The following FLNC variants were observed in gnomAD, a reference collection of about 807,000 sequenced individuals.
FLNC encodes the protein filamin-C.
FLNC carries 91 observed loss-of-function variants against 254.3 expected under a neutral mutation model. The ratio of observed to expected loss-of-function variants is 0.36; its 90% CI spans 0.30 to 0.43. The LOEUF (loss-of-function observed/expected upper bound fraction) is 0.43, where lower values mean the gene tolerates loss of function less well. FLNC is among the 20% of genes least tolerant of loss of function. The pLI, the probability that FLNC is intolerant of heterozygous loss-of-function variation, is 1.00. For synonymous variants in FLNC, 1,430 were observed against 1,577.2 expected (o/e 0.91, Z 2.21); for missense variants, 2,853 against 3,802.6 (o/e 0.75, Z 6.57).
Position 128,857,149 on chromosome 7 carries a change from G to A in FLNC, c.7593G>A (p.Leu2531=), listed in dbSNP as rs1809099142. ...CATCAGAGTTCATCGTGAACACCCT[G>A]AATGCCGGCTCGGGGGCCTTGTCTG... is the stretch of plus-strand genomic sequence containing the variant. ...GVSSEFIVNT[L]NAGSGALSVT... The change falls in exon 46 of 48, where the codon CTG becomes CTA. Residue 2531 remains leucine, a synonymous_variant. Coordinates refer to ENST00000325888, the MANE Select transcript of FLNC (RefSeq NM_001458.5). This position sits in a 1 kb window ranked among gnomAD's most constrained non-coding sequence, Gnocchi z 4.5. 2 of 1,614,064 alleles carry A rather than the reference G, an allele frequency of 1.2e-6. No individual in the cohort carries two copies. Among genetic ancestry groups the A allele is most frequent in the Non-Finnish European group, 1.7e-6 (2 of 1,180,040 alleles).
In FLNC at chr7:128,838,443, C is replaced by G. The variant is rs1184370638; in HGVS notation, c.1210+14C>G. ...TCTACACTGCGGGTAGGACGGGCCC[C>G]AGGGGGTGCAGGTGGAAAGCCCCTG... On this transcript the variant is annotated intron_variant, in intron 7 of 47. Transcript: ENST00000325888. The G allele has an allele frequency of 6.2e-7, 1 of 1,611,916 alleles. No homozygotes were observed.
At position 128,856,715 on chromosome 7, in the gene FLNC, G is replaced by A. The variant is rs560985676; in HGVS notation, c.7385-30G>A. 6.1e-5 allele frequency: 98 copies of A among 1,613,944 alleles called. No individual in the cohort carries two copies. Among genetic ancestry groups the A allele is most frequent in the Admixed American group, 5.0e-4 (30 of 60,006 alleles). On this transcript the variant is annotated intron_variant, in intron 44 of 47. Transcript: ENST00000325888. This position sits in a 1 kb window ranked among gnomAD's most constrained non-coding sequence, Gnocchi z 5.9. ...GGGCCTTCTGGGGAGGGGAAGGATGGAGGCTAAGCCACCAACCCTTTATCC... is the reference window on the plus strand; with the variant it reads ...GGGCCTTCTGGGGAGGGGAAGGATGAAGGCTAAGCCACCAACCCTTTATCC...
chr7:128,844,627 C>T (rs773868464), intron 20 of FLNC, 31 bp from the exon 21 acceptor site: 7 of 1,591,210 alleles, frequency 4.4e-6, no homozygotes, highest in South Asian at 1.1e-5. Context: ...AGGCCAGGTG[C>T]AGGGAACCCA....
In FLNC at chr7:128,842,955, G is replaced by T; in HGVS notation, c.2550+1G>T. 1 of 1,613,838 alleles carries T rather than the reference G, an allele frequency of 6.2e-7. No homozygotes were observed. The highest frequency in any genetic ancestry group is 8.5e-7 in the Non-Finnish European group (1 of 1,179,994). On this transcript the variant is annotated splice_donor_variant, in intron 16 of 47. Transcript: ENST00000325888. LOFTEE classifies it high-confidence loss of function. This position sits in a 1 kb window ranked among gnomAD's most constrained non-coding sequence, Gnocchi z 5.4. The stretch of plus-strand genomic sequence containing the variant: ...CATCATGGTGCTGTTTGCCAACCAG[G>T]TACCTAAGCTCCTGGGTACTCACAG...
At chr7:128,834,153 C>T (rs1808000119) in intron 1 of FLNC, among the ~76,000 whole-genome samples, 1 of 152,222 alleles carries the variant, frequency 6.6e-6, no homozygotes, top group South Asian at 2.1e-4. Context: ...CTGTCTTCCA[C>T]CCCCTTCCAG....
rs1245475286 is a variant in FLNC at position 128,850,005 on chromosome 7, G to A, written c.5229G>A (p.Glu1743=). The A allele has an allele frequency of 1.1e-5, 17 of 1,580,850 alleles. No individual in the cohort carries two copies. The highest frequency in any genetic ancestry group is 9.2e-5 in the East Asian group (4 of 43,702). ...LACDPLPHEE[E]PSEVPQLRQP... Reference sequence around the variant, plus strand: ...GTGACCCCCTGCCGCACGAGGAGGAGCCCTCTGAAGTGCCACAGCTGCGCC... The same window carrying A: ...GTGACCCCCTGCCGCACGAGGAGGAACCCTCTGAAGTGCCACAGCTGCGCC... Residue 1743 remains glutamate, a synonymous_variant, in exon 31 of 48, where the codon GAG becomes GAA. Transcript: ENST00000325888.
Position 128,845,131 on chromosome 7 carries a change from C to T in FLNC, c.3666C>T (p.Gly1222=). The T allele has an allele frequency of 1.2e-6, 2 of 1,613,984 alleles. No homozygotes were observed. Among genetic ancestry groups the T allele is most frequent in the Non-Finnish European group, 1.7e-6 (2 of 1,180,028 alleles). ...YHITYSPAFP[G]TYTITIKYGG... ...TCACCTACAGCCCTGCCTTCCCTGG[C>T]ACCTACACCATTACCATCAAGTATG... Residue 1222 remains glycine (G), a synonymous_variant, in exon 21 of 48, where the codon GGC becomes GGT. Transcript: ENST00000325888.
Position 128,848,990 on chromosome 7 carries a change from C to T in FLNC, c.4927+8C>T. Reference sequence around the variant, plus strand: ...GCAAGTGCCTCGTCACAGGTGGGTGCCCACCCGCTGCCCGTGCCCTGCTCA... The same window carrying T: ...GCAAGTGCCTCGTCACAGGTGGGTGTCCACCCGCTGCCCGTGCCCTGCTCA... On this transcript the variant is annotated splice_region_variant and intron_variant, in intron 28 of 47. Coordinates refer to ENST00000325888, the MANE Select transcript of FLNC (RefSeq NM_001458.5). 6.2e-7 allele frequency: 1 copy of T among 1,609,626 alleles called. No homozygotes were observed.
In FLNC at chr7:128,852,970, G is replaced by T. The variant is rs1322933420; in HGVS notation, c.6147G>T (p.Lys2049Asn). The T allele has an allele frequency of 6.2e-7, 1 of 1,613,428 alleles. No homozygotes were observed. The highest frequency in any genetic ancestry group is 1.3e-5 in the African/African-American group (1 of 74,944). The change falls in exon 37 of 48, where the codon AAG (lysine) becomes AAT (asparagine). Residue 2049 changes from lysine to asparagine, a missense_variant. Physicochemically the swap from Lys to Asn is moderately conservative, Grantham distance 94. This residue lies in a region of FLNC where 551 missense variants were observed against 835.0 expected (regional missense o/e 0.66). Transcript: ENST00000325888. Reference sequence around the variant, plus strand: ...CCAGCAAGGTGCGGGTCTGGGGCAAGGGGCTTTCCGAGGGACACACATTCC... The same window carrying T: ...CCAGCAAGGTGCGGGTCTGGGGCAATGGGCTTTCCGAGGGACACACATTCC... ...GDASKVRVWG[K>N]GLSEGHTFQV...
rs1227482161 is a variant in FLNC, at chr7:128,845,974, C to T, written c.3791-16C>T. The T allele has an allele frequency of 1.2e-6, 2 of 1,613,172 alleles. No homozygotes were observed. Among genetic ancestry groups the T allele is most frequent in the Non-Finnish European group, 1.7e-6 (2 of 1,179,890 alleles). On this transcript the variant is annotated splice_polypyrimidine_tract_variant and intron_variant, in intron 21 of 47. Transcript: ENST00000325888. The stretch of plus-strand genomic sequence containing the variant: ...CTGCCCCCACCCCTGCTGAACACGC[C>T]ACCCCTGGGCTCCAGGTGTCCTGCG...
Position 128,837,059 on chromosome 7 carries a change from G to A in FLNC, c.602-101G>A. 9 of 824,130 alleles carry A rather than the reference G, an allele frequency of 1.1e-5. No individual in the cohort carries two copies. In the South Asian group the frequency reaches 1.3e-4, roughly 12 times the overall value. The allele number at this position is 824,130 out of a possible 1,614,324, so 51.1% of individuals were successfully genotyped here. On this transcript the variant is annotated intron_variant, in intron 2 of 47. Transcript: ENST00000325888. ...TCAAGGCCTAGAGCTGGTGGGAAGGGGTGTAAAGCCACAGCCTCTGAGGGT... is the reference window on the plus strand; with the variant it reads ...TCAAGGCCTAGAGCTGGTGGGAAGGAGTGTAAAGCCACAGCCTCTGAGGGT...
In FLNC at chr7:128,850,850, GACA is replaced by G. The variant is rs1312829675; in HGVS notation, c.5451_5453del (p.Asn1817del). The G allele has an allele frequency of 1.1e-5, 17 of 1,613,704 alleles. No homozygotes were observed. Among genetic ancestry groups the G allele is most frequent in the South Asian group, 2.2e-5 (2 of 91,052 alleles). On this transcript the variant is annotated inframe_deletion, in exon 33 of 48. Transcript: ENST00000325888. ...GAAGACGGCACGGCCCAACATCACC[GACA>G]ACAAGGACGGCACCATCACGGTGAG... is the stretch of plus-strand genomic sequence containing the variant.
intron 17 of FLNC, 35 bp downstream of exon 17, chr7:128,843,354 G>C: frequency 6.2e-7 from 1 of 1,612,718 alleles, no homozygotes; most frequent in Non-Finnish European, 8.5e-7. Context: ...ACTGGCTCGA[G>C]GTTGGGGTTA....
rs376465582 is a variant in FLNC, at chr7:128,844,382, G to A, written c.3192+116G>A. The A allele has an allele frequency of 2.3e-6, 3 of 1,320,308 alleles. No individual in the cohort carries two copies. In the African/African-American group the frequency reaches 4.4e-5, roughly 19 times the overall value. The allele number at this position is 1,320,308 out of a possible 1,614,324, so 81.8% of individuals were successfully genotyped here. The stretch of plus-strand genomic sequence containing the variant: ...GTGCCTGGAGTGGGCACAGCCAAGG[G>A]TGTGGGGCTGAGGCCAGCCCCACCC... On this transcript the variant is annotated intron_variant, in intron 20 of 47. Coordinates refer to ENST00000325888, the MANE Select transcript of FLNC (RefSeq NM_001458.5).
Position 128,855,801 on chromosome 7 carries a change from G to A in FLNC, c.7251+487G>A, listed in dbSNP as rs567326668. Among the ~76,000 whole-genome samples the A allele has an allele frequency of 2.9e-4, 44 of 152,336 alleles. No homozygotes were observed. In the South Asian group the frequency reaches 6.2e-3, roughly 22 times the overall value. The stretch of plus-strand genomic sequence containing the variant: ...TGCTGCTGACTTCTAGAGATGTGGT[G>A]TGTTCCTTTCATTCTGTCACAGCGG... On this transcript the variant is annotated intron_variant, in intron 43 of 47. Coordinates refer to ENST00000325888, the MANE Select transcript of FLNC (RefSeq NM_001458.5).
At chr7:128,833,570 A>G (rs1299886236) in intron 1 of FLNC, among the ~76,000 whole-genome samples, 3 of 151,960 alleles carry the variant, frequency 2.0e-5, no homozygotes, top group Non-Finnish European at 2.9e-5. Context: ...CTGGGGAGAA[A>G]CTTCCCTCTC....
At chr7:128,845,848 G>A (rs1187642537) in intron 21 of FLNC, 142 bp from the exon 22 acceptor site, 2 of 760,678 alleles carry the variant, frequency 2.6e-6, no homozygotes, top group African/African-American at 3.5e-5. Context: ...GAGTGGGAGA[G>A]GAGGGGGAGA....
At chr7:128,840,761 G>C (rs1023406248) in intron 10 of FLNC, 73 bp from the exon 11 acceptor site, 11 of 1,504,628 alleles carry the variant, frequency 7.3e-6, no homozygotes, top group Admixed American at 5.1e-5. Flanking sequence ...AGTTTGAGGG[G>C]AGATGGAGTT....
At chr7:128,839,226 G>C (rs923918889) in intron 8 of FLNC, among the ~76,000 whole-genome samples, 3 of 152,242 alleles carry the variant, frequency 2.0e-5, no homozygotes, top group African/African-American at 7.2e-5. Flanking sequence ...GCATGGCCCG[G>C]GCCGTGTGGA....
Sources: allele counts gnomAD v4.1 joint callset (sites outside exome capture counted in the v4.1 genomes callset), GRCh38; gene constraint gnomAD v4.1.1; regional missense constraint gnomAD v4.1.1; non-coding constraint Gnocchi (gnomAD v3.1); transcripts MANE v1.5; gene names NCBI Gene and HGNC (gene_info 2026-07-23, HGNC 2026-07-21).